The following RIC3 variants were observed in gnomAD, a reference collection of about 807,000 sequenced individuals.
The protein encoded by RIC3 is protein RIC-3.
Under a neutral mutation model 27.3 loss-of-function variants are expected in RIC3, and 28 were observed. That is an observed-to-expected ratio of 1.02 (90% confidence interval 0.76 to 1.41). The LOEUF (loss-of-function observed/expected upper bound fraction) is 1.41. RIC3 is among the 40% of genes most tolerant of loss of function. The pLI is 0.00. For missense variants in RIC3, 501 were observed against 444.7 expected (o/e 1.13, Z -1.14); for synonymous variants, 184 against 160.4 (o/e 1.15, Z -1.11).
In RIC3 at chr11:8,110,846, C is replaced by T. The variant is rs2134025340; in HGVS notation, c.962G>A (p.Gly321Glu). ...CTCAGGGTAGCTATCTGCACTGAAT[C>T]CAGCATTCTCTGCCAAGACAGCAGG... ...EDPAVLAENA[G>E]FSADSYPEQE... is the part of the protein sequence containing the mutation. Residue 321 changes from glycine (G) to glutamate (E), a missense_variant, in exon 6 of 6, where the codon GGA becomes GAA. Gly to Glu is a moderately conservative substitution (Grantham distance 98). Coordinates refer to ENST00000309737, the MANE Select transcript of RIC3 (RefSeq NM_001206671.4). The T allele has an allele frequency of 6.2e-7, 1 of 1,614,184 alleles. No homozygotes were observed. The highest frequency in any genetic ancestry group is 2.2e-5 in the East Asian group (1 of 44,888).
At chr11:8,116,152 G>A (rs780426231) in intron 5 of RIC3, among the ~76,000 whole-genome samples, 1 of 151,528 alleles carries the variant, frequency 6.6e-6, no homozygotes, top group Non-Finnish European at 1.5e-5. Context: ...CACACACACA[G>A]GTCAAAGGAC....
intron 1 of RIC3, among the ~76,000 whole-genome samples, chr11:8,162,466 G>A (rs1259404568): frequency 6.6e-6 from 1 of 151,946 alleles, no homozygotes; most frequent in African/African-American, 2.4e-5. Flanking sequence ...CAGGTTAAAT[G>A]TTTCTCTTCT....
chr11:8,112,294 CT>C (rs11376341), intron 5 of RIC3, among the ~76,000 whole-genome samples: 70 of 124,266 alleles, frequency 5.6e-4, no homozygotes, highest in Middle Eastern at 3.8e-3. Context: ...CTTTTCTTTT[CT>C]TTTTTTTTTT....
intron 5 of RIC3, among the ~76,000 whole-genome samples, chr11:8,126,104 C>A (rs1346997825): frequency 6.6e-6 from 1 of 152,108 alleles, no homozygotes; most frequent in Admixed American, 6.5e-5. Flanking sequence ...GGTATAGACT[C>A]AAAAGAAATA....
the RIC3 span, chr11:8,100,445 C>A: frequency 1.7e-5 from 23 of 1,385,388 alleles, no homozygotes; most frequent in Non-Finnish European, 2.4e-5. Flanking sequence ...GTCCCCCCCA[C>A]CTTCTCCAGT....
chr11:8,110,794 C>T lies in RIC3; in HGVS notation c.1014G>A (p.Trp338Ter), dbSNP rs143178547. 2 of 1,614,096 alleles carry T rather than the reference C, an allele frequency of 1.2e-6. No homozygotes were observed. Among genetic ancestry groups the T allele is most frequent in the African/African-American group, 2.7e-5 (2 of 74,924 alleles). ...ACCCTTCATCTTTAAAGTCTTGGGACCACTCTTCTTTGGTGGTTTCCTCTT... is the reference window on the plus strand; with the variant it reads ...ACCCTTCATCTTTAAAGTCTTGGGATCACTCTTCTTTGGTGGTTTCCTCTT... ...PEQEETTKEEWSQDFKDEGLG... is the reference protein window; with the variant it reads ...PEQEETTKEE The change falls in exon 6 of 6, where the codon TGG becomes TGA. Residue 338 changes from tryptophan (W) to a stop codon, truncating the protein, a stop_gained. Transcript: ENST00000309737. LOFTEE classifies it low-confidence loss of function (END_TRUNC).
downstream of RIC3, chr11:8,106,009 G>A (rs889303165): frequency 2.0e-5 from 3 of 151,800 alleles, no homozygotes; most frequent in South Asian, 2.1e-4. Context: ...TTTTGGAGTG[G>A]TCAGACATTT....
At position 8,109,988 on chromosome 11, in the gene RIC3, T is replaced by C. The variant is rs190083184; in HGVS notation, c.*710A>G. ...GTACTTCTGGGCTTGGCAGTTCTGT[T>C]AAGCAGAACAGGGGTAAAGGAAGCT... On this transcript the variant is annotated 3_prime_UTR_variant, in exon 6 of 6. Coordinates refer to ENST00000309737, the MANE Select transcript of RIC3 (RefSeq NM_001206671.4). 3 of 153,314 alleles carry C rather than the reference T, an allele frequency of 2.0e-5. No homozygotes were observed. 9.5% of individuals were successfully genotyped at this position (153,314 alleles called of 1,614,324 possible). A position where few individuals can be genotyped will look rare whatever the true frequency, so the allele number is the denominator to read the frequency against.
downstream of RIC3, chr11:8,101,107 G>A: frequency 6.1e-6 from 8 of 1,304,874 alleles, no homozygotes; most frequent in Middle Eastern, 3.9e-4. Context: ...AAGAATGTGA[G>A]CTATACAGCT....
the RIC3 span, chr11:8,097,472 G>C: frequency 6.2e-6 from 10 of 1,611,400 alleles, no homozygotes; most frequent in Non-Finnish European, 8.5e-6. Context: ...ACAGCCCTTT[G>C]AAATCCTAGG....
chr11:8,125,132 T>C (rs1227230763), intron 5 of RIC3, among the ~76,000 whole-genome samples: 3 of 151,778 alleles, frequency 2.0e-5, no homozygotes, highest in African/African-American at 7.3e-5. Context: ...CAGGCGCCTG[T>C]AGTCCCAGCT....
In RIC3 at chr11:8,107,247, T is replaced by G. The variant is rs1466107362; in HGVS notation, c.*3451A>C. ...TCTTTGGAATACAAATAGTCCAGAT[T>G]GAAGAGAACTTTGAGAGTGTGGTAA... On this transcript the variant is annotated 3_prime_UTR_variant, in exon 6 of 6. Transcript: ENST00000309737. The G allele has an allele frequency of 6.6e-6, 1 of 152,226 alleles. No homozygotes were observed. Among genetic ancestry groups the G allele is most frequent in the African/African-American group, 2.4e-5 (1 of 41,462 alleles). 9.4% of individuals were successfully genotyped at this position (152,226 alleles called of 1,614,324 possible).
chr11:8,126,016 C>T (rs542551958), intron 5 of RIC3, among the ~76,000 whole-genome samples: 7 of 152,168 alleles, frequency 4.6e-5, no homozygotes, highest in South Asian at 4.1e-4. Context: ...CCAGCCTGGG[C>T]GACAAAGTGA....
Position 8,140,006 on chromosome 11 carries a change from A to T in RIC3, c.312T>A (p.Gly104=), listed in dbSNP as rs924857479. Residue 104 remains glycine, a synonymous_variant, in exon 2 of 6, where the codon GGT becomes GGA. Coordinates refer to ENST00000309737, the MANE Select transcript of RIC3 (RefSeq NM_001206671.4). ...ACAGTATATATAAAAAAATCCCAAA[A>T]CCGTAGATTGGAATAATCTGCCCCA... is the stretch of plus-strand genomic sequence containing the variant. ...GLMGQIIPIY[G]FGIFLYILYI... The T allele has an allele frequency of 5.6e-6, 9 of 1,613,878 alleles. No homozygotes were observed. Among genetic ancestry groups the T allele is most frequent in the Admixed American group, 5.0e-5 (3 of 59,950 alleles).
Position 8,110,478 on chromosome 11 carries a change from G to T in RIC3, c.*220C>A. 1.6e-6 allele frequency: 1 copy of T among 616,702 alleles called. No individual in the cohort carries two copies. Among genetic ancestry groups the T allele is most frequent in the Non-Finnish European group, 2.9e-6 (1 of 344,220 alleles). The allele number at this position is 616,702 out of a possible 1,614,324, so 38.2% of individuals were successfully genotyped here. ...CTCTGATAGAGGAAAGGCAGGAAGA[G>T]AAAGAGCGAAGCTGTCCTGTGTTCA... On this transcript the variant is annotated 3_prime_UTR_variant, in exon 6 of 6. Transcript: ENST00000309737.
chr11:8,126,934 A>C lies in RIC3; in HGVS notation c.522-127T>G, dbSNP rs942153596. The C allele has an allele frequency of 2.8e-6, 3 of 1,079,414 alleles. No homozygotes were observed. In the African/African-American group the frequency reaches 4.7e-5, roughly 17 times the overall value. 66.9% of individuals were successfully genotyped at this position (1,079,414 alleles called of 1,614,324 possible). A position where few individuals can be genotyped will look rare whatever the true frequency, so the allele number is the denominator to read the frequency against. On this transcript the variant is annotated intron_variant, in intron 4 of 5. Coordinates refer to ENST00000309737, the MANE Select transcript of RIC3 (RefSeq NM_001206671.4). ...ATTGCAGCAGATAATTATTCTAGGA[A>C]TTGATCCTCCAACTGCATAGCTGGG...
Position 8,141,056 on chromosome 11 carries a change from G to C in RIC3, c.125-863C>G, listed in dbSNP as rs533603610. On this transcript the variant is annotated intron_variant, in intron 1 of 5. Coordinates refer to ENST00000309737, the MANE Select transcript of RIC3 (RefSeq NM_001206671.4). ...GCGCTAAACATGGAAAGGAACAACC[G>C]GTACCAGCCGCTGCAAAATCATGCC... is the stretch of plus-strand genomic sequence containing the variant. Among the ~76,000 whole-genome samples the C allele has an allele frequency of 2.0e-5, 3 of 148,228 alleles. No individual in the cohort carries two copies. The South Asian group carries it at 6.8e-4, about 34-fold the overall frequency.
intron 4 of RIC3, among the ~76,000 whole-genome samples, chr11:8,137,069 G>A (rs534036656): frequency 1.3e-5 from 2 of 152,154 alleles, no homozygotes; most frequent in East Asian, 3.9e-4. Flanking sequence ...TCATTGCCCA[G>A]GCTGGAGTGC....
chr11:8,141,588 A>C (rs963473736), intron 1 of RIC3, among the ~76,000 whole-genome samples: 6 of 150,948 alleles, frequency 4.0e-5, no homozygotes, highest in African/African-American at 1.5e-4. Flanking sequence ...GGGAGACTTT[A>C]ACACCCCACT....
Sources: gnomAD v4.1 joint callset for allele counts (sites outside exome capture counted in the v4.1 genomes callset) on GRCh38, gnomAD v4.1.1 for gene constraint, MANE v1.5 for transcripts, NCBI Gene and HGNC (gene_info 2026-07-23, HGNC 2026-07-21) for gene names.